Variants in TTC14 observed in about 807,000 individuals in gnomAD.
TTC14 encodes the protein tetratricopeptide repeat protein 14.
In TTC14, 63 loss-of-function variants were observed where a neutral mutation model predicts 79.9. That is an observed-to-expected ratio of 0.79 (90% confidence interval 0.64 to 0.97). The LOEUF is 0.97. Ranked by LOEUF, TTC14 falls within the 50% of genes least tolerant of loss-of-function variation. The pLI is 0.00. For missense variants in TTC14, 895 were observed against 894.0 expected, an observed-to-expected ratio of 1.00 and a Z score of -0.01; for synonymous variants, 335 against 309.6, an observed-to-expected ratio of 1.08 and a Z score of -0.86.
chr3:180,610,918 T>C lies in TTC14; in HGVS notation c.*376T>C, dbSNP rs1276676481. On this transcript the variant is annotated 3_prime_UTR_variant, in exon 12 of 12. Transcript: ENST00000296015. ...GTGCATTGAACACTTGGATCATTTTTATAAAAATTAATTTCATTTTCTTTT... is the reference window on the plus strand; with the variant it reads ...GTGCATTGAACACTTGGATCATTTTCATAAAAATTAATTTCATTTTCTTTT... The C allele has an allele frequency of 1.0e-6, 1 of 983,554 alleles. No individual in the cohort carries two copies. The highest frequency in any genetic ancestry group is 1.2e-6 in the Non-Finnish European group (1 of 828,158). The allele number at this position is 983,554 out of a possible 1,614,324, so 60.9% of individuals were successfully genotyped here. A position where few individuals can be genotyped will look rare whatever the true frequency, so the allele number is the denominator to read the frequency against.
At chr3:180,602,736 A>T (rs1444644952) in intron 1 of TTC14, 155 bp from the exon 2 acceptor site, 2 of 902,576 alleles carry the variant, frequency 2.2e-6, no homozygotes, top group Non-Finnish European at 3.2e-6. Context: ...AGGTTGGTTA[A>T]TGAGGGAATG....
At chr3:180,614,366 GTT>G (rs546471720), downstream of TTC14, 1 of 47,990 alleles carries the variant, frequency 2.1e-5, no homozygotes, top group Non-Finnish European at 3.8e-5. Flanking sequence ...TCTCTTACCG[GTT>G]TTTTTTTGGG....
At position 180,609,619 on chromosome 3, in the gene TTC14, GT is replaced by G. The variant is rs761828988; in HGVS notation, c.1401-3del. Reference sequence around the variant, plus strand: ...TTTGTATATATATGACAAATGAACTGTTTTTTTTAGGCTAAAGAAGAAAAGA... The same window carrying G: ...TTTGTATATATATGACAAATGAACTGTTTTTTTAGGCTAAAGAAGAAAAGA... On this transcript the variant is annotated splice_polypyrimidine_tract_variant and intron_variant, in intron 11 of 11. Coordinates refer to ENST00000296015, the MANE Select transcript of TTC14 (RefSeq NM_133462.4). 30 of 1,530,570 alleles carry G rather than the reference GT, an allele frequency of 2.0e-5. No homozygotes were observed. The highest frequency in any genetic ancestry group is 1.2e-4 in the South Asian group (9 of 74,724). 94.8% of individuals were successfully genotyped at this position (1,530,570 alleles called of 1,614,324 possible).
downstream of TTC14, chr3:180,614,378 GGGGGT>G (rs1218919290): frequency 6.6e-6 from 1 of 150,396 alleles, no homozygotes; most frequent in African/African-American, 2.4e-5. Context: ...TTTTTTTTGG[GGGGGT>G]GGGGTGGGTA....
At chr3:180,615,272 G>A (rs1717187979), downstream of TTC14, among the ~76,000 whole-genome samples, 1 of 152,068 alleles carries the variant, frequency 6.6e-6, no homozygotes, top group African/African-American at 2.4e-5. Flanking sequence ...GAACATAGAT[G>A]AGTTTCAAAC....
At chr3:180,609,172 T>C (rs1410142062) in intron 11 of TTC14, 3 of 635,788 alleles carry the variant, frequency 4.7e-6, no homozygotes, top group African/African-American at 4.0e-5. Context: ...CCATAACTGA[T>C]AGGGTGCTAC....
At chr3:180,611,155 C>T (rs1716981228), downstream of TTC14, 1 of 985,118 alleles carries the variant, frequency 1.0e-6, no homozygotes, top group Non-Finnish European at 1.2e-6. Flanking sequence ...GCATAAGTGC[C>T]TTAGGAATAA....
downstream of TTC14, chr3:180,614,865 T>C: frequency 6.8e-7 from 1 of 1,480,804 alleles, no homozygotes; most frequent in East Asian, 2.5e-5. Flanking sequence ...CGTTTTGTAT[T>C]TTAAAGTATA....
At chr3:180,602,765 T>C in intron 1 of TTC14, 126 bp from the exon 2 acceptor site, 1 of 1,173,426 alleles carries the variant, frequency 8.5e-7, no homozygotes, top group East Asian at 2.6e-5. Context: ...AAACTTTTTG[T>C]CTGAGGTTGT....
downstream of TTC14, among the ~76,000 whole-genome samples, chr3:180,613,496 A>G (rs77457027): frequency 3.9e-5 from 6 of 152,304 alleles, no homozygotes; most frequent in East Asian, 9.7e-4. Flanking sequence ...TAGAAGTTAT[A>G]TAGTGCAATT....
At chr3:180,603,610 C>T in intron 3 of TTC14, 1 of 380,758 alleles carries the variant, frequency 2.6e-6, no homozygotes, top group Non-Finnish European at 4.8e-6. Flanking sequence ...GATTGATATT[C>T]AGACTTATTT....
rs557388181 is a variant in TTC14, at chr3:180,607,602, G to C, written c.1173-46G>C. On this transcript the variant is annotated intron_variant, in intron 9 of 11. Coordinates refer to ENST00000296015, the MANE Select transcript of TTC14 (RefSeq NM_133462.4). ...TTTGACCTGTATGCATATTTGGATA[G>C]TTTTGTTGTTTTTACAAAAAAGCTA... 2.0e-5 allele frequency: 32 copies of C among 1,578,040 alleles called. No individual in the cohort carries two copies. The South Asian group carries it at 3.0e-4, about 15-fold the overall frequency.
chr3:180,610,545 C>G lies in TTC14; in HGVS notation c.*3C>G, dbSNP rs1374023677. On this transcript the variant is annotated 3_prime_UTR_variant, in exon 12 of 12. Transcript: ENST00000296015. The stretch of plus-strand genomic sequence containing the variant: ...AAGGAAATAAGTCAAAAAATTAATA[C>G]ACCAAGGATATCGGCACCATTACAC... The G allele has an allele frequency of 6.4e-7, 1 of 1,557,656 alleles. No individual in the cohort carries two copies. Among genetic ancestry groups the G allele is most frequent in the South Asian group, 1.3e-5 (1 of 79,320 alleles).
At chr3:180,608,540 C>CT (rs1716817662) in intron 10 of TTC14, 161 bp from the exon 11 acceptor site, 1 of 1,245,468 alleles carries the variant, frequency 8.0e-7, no homozygotes, top group Non-Finnish European at 1.0e-6. Context: ...ATCTGTATGA[C>CT]TAATTTTTTT....
chr3:180,613,821 T>C, downstream of TTC14: 1 of 454,686 alleles, frequency 2.2e-6, no homozygotes, highest in South Asian at 1.6e-5. Context: ...TACCTTTTTT[T>C]TCGCCCACCT....
chr3:180,610,820 C>T lies in TTC14; in HGVS notation c.*278C>T. 9.8e-7 allele frequency: 1 copy of T among 1,020,584 alleles called. No homozygotes were observed. Among genetic ancestry groups the T allele is most frequent in the Non-Finnish European group, 1.2e-6 (1 of 852,396 alleles). 63.2% of individuals were successfully genotyped at this position (1,020,584 alleles called of 1,614,324 possible). On this transcript the variant is annotated 3_prime_UTR_variant, in exon 12 of 12. Coordinates refer to ENST00000296015, the MANE Select transcript of TTC14 (RefSeq NM_133462.4). ...ACCTAAAGATAATTCTCTGAAAGTA[C>T]TGTTTCTTCATTCTATTGCGGTATA...
chr3:180,607,894 T>G, intron 10 of TTC14, 129 bp downstream of exon 10: 1 of 1,461,506 alleles, frequency 6.8e-7, no homozygotes, highest in East Asian at 2.5e-5. Flanking sequence ...TTAGGTATAG[T>G]TTTTCCTAAT....
Position 180,607,728 on chromosome 3 carries a change from C to T in TTC14, c.1253C>T (p.Ala418Val). The change falls in exon 10 of 12, where the codon GCA (alanine) becomes GTA (valine). Residue 418 changes from alanine to valine, a missense_variant. Ala to Val is a moderately conservative substitution (Grantham distance 64). Coordinates refer to ENST00000296015, the MANE Select transcript of TTC14 (RefSeq NM_133462.4). ...GCTTTGGATGAGACTTTTAAAGATGCAGAGGATGCTTTGCAGAAACTTCAT... is the reference window on the plus strand; with the variant it reads ...GCTTTGGATGAGACTTTTAAAGATGTAGAGGATGCTTTGCAGAAACTTCAT... ...ALALDETFKD[A>V]EDALQKLHKY... is the part of the protein sequence containing the mutation. 6.2e-7 allele frequency: 1 copy of T among 1,611,754 alleles called. No homozygotes were observed.
rs769283368 is a variant in TTC14, at chr3:180,610,101, C to T, written c.1872C>T (p.Ser624=). The change falls in exon 12 of 12, where the codon TCC becomes TCT. Residue 624 remains serine (S), a synonymous_variant. Coordinates refer to ENST00000296015, the MANE Select transcript of TTC14 (RefSeq NM_133462.4). Reference sequence around the variant, plus strand: ...CATATAAATCAGAAAGACATTTTTCCAGTAGAAGAAATTCCTCAGATTCCT... The same window carrying T: ...CATATAAATCAGAAAGACATTTTTCTAGTAGAAGAAATTCCTCAGATTCCT... ...EKPYKSERHF[S]SRRNSSDSFC... is the part of the protein sequence containing the mutation. 1.2e-6 allele frequency: 2 copies of T among 1,613,126 alleles called. No individual in the cohort carries two copies. Among genetic ancestry groups the T allele is most frequent in the East Asian group, 4.5e-5 (2 of 44,850 alleles).
Sources: allele counts gnomAD v4.1 joint callset (sites outside exome capture counted in the v4.1 genomes callset), GRCh38; gene constraint gnomAD v4.1.1; transcripts MANE v1.5; gene names NCBI Gene and HGNC (gene_info 2026-07-23, HGNC 2026-07-21).